Variants in AUTS2 observed in about 807,000 individuals in gnomAD.
The protein encoded by AUTS2 is activator of transcription and developmental regulator AUTS2, also known as autism susceptibility gene 2 protein.
In AUTS2, 17 loss-of-function variants were observed where a neutral mutation model predicts 112.4. That is an observed-to-expected ratio of 0.15 (90% confidence interval 0.10 to 0.23). The LOEUF (loss-of-function observed/expected upper bound fraction) is 0.23. AUTS2 is among the 10% of genes least tolerant of loss of function. The probability of loss-of-function intolerance (pLI) is 1.00; values close to 1 mark genes in which losing one functional copy is unlikely to be tolerated. For missense variants in AUTS2, 1,510 were observed against 1,701.6 expected (o/e 0.89, Z 1.98); for synonymous variants, 751 against 702.7 (o/e 1.07, Z -1.09).
At position 69,927,205 on chromosome 7, in the gene AUTS2, T is replaced by C. The variant is rs564133831; in HGVS notation, c.522+27707T>C. Among the ~76,000 whole-genome samples, 162 of 147,460 alleles carry C rather than the reference T, an allele frequency of 1.1e-3. 2 individuals carry two copies. In the South Asian group the frequency reaches 0.03, roughly 27 times the overall value. ...ATATATTTATATATATATATATATATACATACTATATATATCTTTAATTTA... is the reference window on the plus strand; with the variant it reads ...ATATATTTATATATATATATATATACACATACTATATATATCTTTAATTTA... On this transcript the variant is annotated intron_variant, in intron 2 of 18. Transcript: ENST00000342771.
chr7:70,459,530 A>G (rs1399957934), intron 5 of AUTS2, among the ~76,000 whole-genome samples: 1 of 150,984 alleles, frequency 6.6e-6, no homozygotes, highest in African/African-American at 2.4e-5. Flanking sequence ...CTCTTTTAAA[A>G]CTCCTGGCTG....
intron 1 of AUTS2, among the ~76,000 whole-genome samples, chr7:69,609,095 G>A (rs1406023586): frequency 1.3e-5 from 2 of 152,212 alleles, no homozygotes; most frequent in Non-Finnish European, 2.9e-5. Flanking sequence ...TTTTGCAAAT[G>A]AAAACAACAG....
In AUTS2 at chr7:70,183,218, G is replaced by A. The variant is rs112906875; in HGVS notation, c.660+48647G>A. ...TCAGATGAGAAAAAAAAATCCTCAA[G>A]TCAACTAACTGCCTGTTTCTCACTC... On this transcript the variant is annotated intron_variant, in intron 4 of 18. Transcript: ENST00000342771. Among the ~76,000 whole-genome samples the A allele has an allele frequency of 1.6e-3, 243 of 152,228 alleles. 6 individuals are homozygous for A. Among genetic ancestry groups the A allele is most frequent in the African/African-American group, 5.5e-3 (229 of 41,534 alleles).
chr7:70,595,404 G>A (rs1298020796), intron 5 of AUTS2, among the ~76,000 whole-genome samples: 1 of 152,070 alleles, frequency 6.6e-6, no homozygotes, highest in Non-Finnish European at 1.5e-5. Flanking sequence ...GAAACTTAAT[G>A]TTTAAGTGTC....
In AUTS2 at chr7:69,784,435, T is replaced by C. The variant is rs1057019018; in HGVS notation, c.310-114851T>C. Among the ~76,000 whole-genome samples, 34 of 152,242 alleles carry C rather than the reference T, an allele frequency of 2.2e-4. 1 individual carries two copies. The highest frequency in any genetic ancestry group is 3.5e-4 in the Non-Finnish European group (24 of 68,042). ...TGGTTTGTTTTGCCCGTCTGCCATT[T>C]GCCTTTTCCTTGTTGGTGTTTGCTG... On this transcript the variant is annotated intron_variant, in intron 1 of 18. Transcript: ENST00000342771.
intron 4 of AUTS2, among the ~76,000 whole-genome samples, chr7:70,326,808 C>T (rs1790506884): frequency 6.6e-6 from 1 of 151,908 alleles, no homozygotes; most frequent in Non-Finnish European, 1.5e-5. Context: ...CCTCAAGTCA[C>T]ATTGGCATGC....
chr7:70,288,074 T>C (rs570658888), intron 4 of AUTS2, among the ~76,000 whole-genome samples: 1 of 152,144 alleles, frequency 6.6e-6, no homozygotes, highest in Non-Finnish European at 1.5e-5. Flanking sequence ...ACTAAAGGCT[T>C]CTTCAAGGTG....
chr7:69,758,442 A>G (rs1181586289), intron 1 of AUTS2, among the ~76,000 whole-genome samples: 3 of 152,008 alleles, frequency 2.0e-5, no homozygotes, highest in African/African-American at 7.3e-5. Context: ...ACCTTAGGCT[A>G]CTCTCCTGCT....
intron 2 of AUTS2, among the ~76,000 whole-genome samples, chr7:70,107,950 G>A (rs998340869): frequency 4.0e-5 from 6 of 151,524 alleles, no homozygotes; most frequent in Non-Finnish European, 7.4e-5. Context: ...GGCGGAGCTT[G>A]CAGTGAGCTG....
intron 1 of AUTS2, among the ~76,000 whole-genome samples, chr7:69,816,003 A>G (rs1335429843): frequency 6.6e-6 from 1 of 152,236 alleles, no homozygotes; most frequent in African/African-American, 2.4e-5. Flanking sequence ...GTATGAATCT[A>G]GCCAAGAAAG....
intron 2 of AUTS2, among the ~76,000 whole-genome samples, chr7:69,993,008 T>C (rs1042122494): frequency 6.6e-5 from 10 of 152,192 alleles, no homozygotes; most frequent in African/African-American, 2.4e-4. Flanking sequence ...ATATTATTGG[T>C]TTAAGAGTCA....
At chr7:69,816,067 C>A (rs1421685426) in intron 1 of AUTS2, among the ~76,000 whole-genome samples, 1 of 152,142 alleles carries the variant, frequency 6.6e-6, no homozygotes, top group East Asian at 1.9e-4. Context: ...AAGCCTTTTG[C>A]CTCTGAAATC....
intron 6 of AUTS2, among the ~76,000 whole-genome samples, chr7:70,744,651 A>C (rs723340): frequency 2.0e-5 from 3 of 152,106 alleles, no homozygotes; most frequent in Non-Finnish European, 2.9e-5. Flanking sequence ...GCGAGGCTCC[A>C]TGCAGACAGG....
At chr7:69,911,261 G>T (rs541359320) in intron 2 of AUTS2, among the ~76,000 whole-genome samples, 8 of 152,282 alleles carry the variant, frequency 5.3e-5, no homozygotes, top group African/African-American at 1.7e-4. Context: ...GGGCACCCCT[G>T]TCTGGATGAG....
At chr7:69,927,705 T>C (rs1162146232) in intron 2 of AUTS2, among the ~76,000 whole-genome samples, 1 of 152,194 alleles carries the variant, frequency 6.6e-6, no homozygotes, top group African/African-American at 2.4e-5. Context: ...ACAGCCAGGC[T>C]TAACGGCTGC....
intron 5 of AUTS2, among the ~76,000 whole-genome samples, chr7:70,505,463 A>C (rs953599010): frequency 1.3e-5 from 2 of 152,154 alleles, no homozygotes; most frequent in African/African-American, 2.4e-5. Context: ...GACTTGATGT[A>C]TTGCTCCCAT....
chr7:70,098,362 T>G (rs1562690792), intron 2 of AUTS2, among the ~76,000 whole-genome samples: 2 of 152,334 alleles, frequency 1.3e-5, no homozygotes, highest in South Asian at 4.1e-4. Flanking sequence ...AATTAAAAAT[T>G]TATAAGTGCT....
At chr7:70,219,507 T>C (rs1811358711) in intron 4 of AUTS2, among the ~76,000 whole-genome samples, 1 of 152,140 alleles carries the variant, frequency 6.6e-6, no homozygotes, top group Non-Finnish European at 1.5e-5. Flanking sequence ...GAAGAACATT[T>C]GTATATAACA....
chr7:69,635,411 T>C (rs1035882002), intron 1 of AUTS2, among the ~76,000 whole-genome samples: 1 of 152,214 alleles, frequency 6.6e-6, no homozygotes, highest in Admixed American at 6.5e-5. Context: ...CATCTGAGAA[T>C]AATAATATAG....
Sources: allele counts gnomAD v4.1 joint callset (sites outside exome capture counted in the v4.1 genomes callset), GRCh38; gene constraint gnomAD v4.1.1; transcripts MANE v1.5; gene names NCBI Gene and HGNC (gene_info 2026-07-23, HGNC 2026-07-21).